Variants in TLN2 observed in about 807,000 individuals in gnomAD.
TLN2 encodes the protein talin-2.
A neutral mutation model predicts 294.7 loss-of-function variants in TLN2; 118 were observed. The ratio of observed to expected loss-of-function variants is 0.40; its 90% CI spans 0.34 to 0.47. The LOEUF is 0.47. Ranked by LOEUF, TLN2 falls within the 20% of genes least tolerant of loss-of-function variation. The pLI is 0.84. For missense variants in TLN2, 3,083 were observed against 3,282.2 expected (o/e 0.94, Z 1.48); for synonymous variants, 1,431 against 1,304.5 (o/e 1.10, Z -2.09).
intron 1 of TLN2, among the ~76,000 whole-genome samples, chr15:62,419,479 G>A (rs2034265156): frequency 6.6e-6 from 1 of 152,158 alleles, no homozygotes; most frequent in African/African-American, 2.4e-5. Flanking sequence ...TATCAGAGCT[G>A]CCACTACAAA....
chr15:62,807,189 C>T (rs1344995591), intron 51 of TLN2, among the ~76,000 whole-genome samples: 2 of 152,052 alleles, frequency 1.3e-5, no homozygotes, highest in Non-Finnish European at 2.9e-5. Flanking sequence ...GTGGAGTCCA[C>T]CTACCATAAG....
chr15:62,767,270 T>C (rs1002815361), intron 41 of TLN2, among the ~76,000 whole-genome samples: 3 of 152,200 alleles, frequency 2.0e-5, no homozygotes, highest in Admixed American at 2.0e-4. Flanking sequence ...ATTTGAAATC[T>C]CAAAGGCCAG....
chr15:62,512,684 G>A (rs1010831442), intron 1 of TLN2, among the ~76,000 whole-genome samples: 3 of 152,156 alleles, frequency 2.0e-5, no homozygotes, highest in Non-Finnish European at 4.4e-5. Flanking sequence ...AAATTCATGG[G>A]TTACCCTTGC....
intron 34 of TLN2, 60 bp from the exon 35 acceptor site, chr15:62,752,245 T>G: frequency 6.3e-7 from 1 of 1,597,248 alleles, no homozygotes; most frequent in East Asian, 2.3e-5. Flanking sequence ...TGTAGCCTCC[T>G]TTACCCCTTG....
At chr15:62,527,981 T>TA (rs1243330941) in intron 1 of TLN2, among the ~76,000 whole-genome samples, 5 of 152,224 alleles carry the variant, frequency 3.3e-5, no homozygotes, top group East Asian at 1.9e-4. Flanking sequence ...AAAAATACTT[T>TA]AAAAAATCAC....
chr15:62,680,407 G>A (rs1221204206), intron 11 of TLN2, among the ~76,000 whole-genome samples: 3 of 151,966 alleles, frequency 2.0e-5, no homozygotes, highest in Non-Finnish European at 4.4e-5. Context: ...TAATTTTCAG[G>A]TTTATTGTTA....
At chr15:62,838,772 C>T (rs958358231) in intron 57 of TLN2, 84 bp from the exon 58 acceptor site, 5 of 1,545,492 alleles carry the variant, frequency 3.2e-6, no homozygotes, top group Admixed American at 1.9e-5. Flanking sequence ...CTCATGGTCT[C>T]ACAAACTGTA....
At chr15:62,557,695 C>G (rs1000288600) in intron 1 of TLN2, among the ~76,000 whole-genome samples, 3 of 152,196 alleles carry the variant, frequency 2.0e-5, no homozygotes, top group Non-Finnish European at 4.4e-5. Flanking sequence ...GCACCCGCCA[C>G]CACACCCGGC....
chr15:62,674,931 C>T (rs2055983840), intron 10 of TLN2, among the ~76,000 whole-genome samples: 1 of 152,090 alleles, frequency 6.6e-6, no homozygotes, highest in South Asian at 2.1e-4. Flanking sequence ...AGTTATGGAC[C>T]CTGTTCCCAC....
intron 49 of TLN2, 65 bp downstream of exon 49, chr15:62,800,558 C>T (rs754979560): frequency 7.5e-6 from 12 of 1,609,078 alleles, no homozygotes; most frequent in South Asian, 1.1e-5. Context: ...GAAGGAGAGG[C>T]GTCCTTGCTC....
intron 22 of TLN2, among the ~76,000 whole-genome samples, chr15:62,715,946 C>T (rs2059744582): frequency 6.6e-6 from 1 of 152,170 alleles, no homozygotes; most frequent in South Asian, 2.1e-4. Flanking sequence ...TCAGGAGTGA[C>T]ATGAAGACAT....
intron 34 of TLN2, 24 bp from the exon 35 acceptor site, chr15:62,752,281 T>C (rs2061980365): frequency 6.2e-7 from 1 of 1,613,254 alleles, no homozygotes; most frequent in African/African-American, 1.3e-5. Context: ...GGATAGAGAA[T>C]GTTGCTGGCC....
rs1393527317 is a variant in TLN2 at position 62,700,977 on chromosome 15, G to A, written c.1588-129G>A. On this transcript the variant is annotated intron_variant, in intron 16 of 58. Transcript: ENST00000636159. ...AGGATACTGTTTAGGATAACTTAAG[G>A]GCCCTGTCGGTGCTGGCCTCATAAG... 17 of 723,582 alleles carry A rather than the reference G, an allele frequency of 2.3e-5. No individual in the cohort carries two copies. The South Asian group carries it at 2.8e-4, about 12-fold the overall frequency. 44.8% of individuals were successfully genotyped at this position (723,582 alleles called of 1,614,324 possible).
At chr15:62,648,130 G>C (rs1024251116) in intron 4 of TLN2, among the ~76,000 whole-genome samples, 1 of 151,994 alleles carries the variant, frequency 6.6e-6, no homozygotes, top group Non-Finnish European at 1.5e-5. Flanking sequence ...CTTAAAAATG[G>C]AAAGAATAGG....
At chr15:62,600,240 G>A (rs1295816672) in intron 2 of TLN2, among the ~76,000 whole-genome samples, 1 of 152,192 alleles carries the variant, frequency 6.6e-6, no homozygotes, top group South Asian at 2.1e-4. Flanking sequence ...CAGAGGTTGT[G>A]CAGCGACTTG....
chr15:62,642,324 A>G (rs1006873321), intron 3 of TLN2, among the ~76,000 whole-genome samples: 1 of 152,270 alleles, frequency 6.6e-6, no homozygotes, highest in African/African-American at 2.4e-5. Flanking sequence ...ATTAGACTAT[A>G]ACAACACTGC....
intron 2 of TLN2, among the ~76,000 whole-genome samples, chr15:62,613,180 A>C (rs1430042468): frequency 1.3e-5 from 2 of 152,196 alleles, no homozygotes; most frequent in Non-Finnish European, 2.9e-5. Context: ...GGCTTGTTGT[A>C]GGGTATTTGC....
At chr15:62,411,430 TGTGTGTGTGTGTGTG>T (rs1187357392) in intron 1 of TLN2, among the ~76,000 whole-genome samples, 1 of 8,720 alleles carries the variant, frequency 1.1e-4, no homozygotes, top group African/African-American at 2.1e-4. Context: ...GAGTAATGGA[TGTGTGTGTGTGTGTG>T]TGTGTGTGTG....
intron 1 of TLN2, among the ~76,000 whole-genome samples, chr15:62,449,725 A>C (rs1174997963): frequency 6.6e-6 from 1 of 152,162 alleles, no homozygotes; most frequent in African/African-American, 2.4e-5. Flanking sequence ...GCAGTGAGCT[A>C]TGATCAAGCC....
Sources: allele counts gnomAD v4.1 joint callset (sites outside exome capture counted in the v4.1 genomes callset), GRCh38; gene constraint gnomAD v4.1.1; transcripts MANE v1.5; gene names NCBI Gene and HGNC (gene_info 2026-07-23, HGNC 2026-07-21).